Variants in TOM1L1 observed in about 807,000 individuals in gnomAD.
The protein encoded by TOM1L1 is target of myb1 like 1 membrane trafficking protein.
Under a neutral mutation model 63.4 loss-of-function variants are expected in TOM1L1, and 64 were observed. That is an observed-to-expected ratio of 1.01 (90% CI 0.83 to 1.24). The LOEUF is 1.24. Among genes scored for constraint, TOM1L1 ranks in the 50% most tolerant of loss-of-function variants. The probability of loss-of-function intolerance (pLI) is 0.00; values close to 1 mark genes in which losing one functional copy is unlikely to be tolerated. For synonymous variants in TOM1L1, 166 were observed against 194.4 expected (o/e 0.85, Z 1.22); for missense variants, 536 against 567.0 (o/e 0.95, Z 0.55).
chr17:54,947,574 T>C (rs1427136157), intron 12 of TOM1L1, among the ~76,000 whole-genome samples: 1 of 152,252 alleles, frequency 6.6e-6, no homozygotes, highest in Admixed American at 6.5e-5. Flanking sequence ...TGGTGACTTC[T>C]GTATTGTGAA....
rs3053508 is a variant in TOM1L1 at position 54,958,748 on chromosome 17, A to G, written c.1371-1818A>G. Among the ~76,000 whole-genome samples the G allele has an allele frequency of 4.7e-3, 563 of 118,920 alleles. 20 individuals are homozygous for G. In the South Asian group the frequency reaches 0.056, roughly 12 times the overall value. The allele number at this position is 118,920 out of a possible 152,430, so 78.0% of individuals were successfully genotyped here. On this transcript the variant is annotated intron_variant, in intron 14 of 15. Transcript: ENST00000575882. ...TCCATCTCAAAAAAAAAAAAAAAAA[A>G]GGGGTTGTTGGTAGCTAGAGGATAC...
In TOM1L1 at chr17:54,912,772, A is replaced by G; in HGVS notation, c.329A>G (p.Asn110Ser). The G allele has an allele frequency of 6.2e-7, 1 of 1,611,850 alleles. No homozygotes were observed. Among genetic ancestry groups the G allele is most frequent in the South Asian group, 1.1e-5 (1 of 90,380 alleles). Reference sequence around the variant, plus strand: ...GTTAAGCTACTGAATCCCAGATACAACTTGCCATTAGACATTCAGAATAGA... The same window carrying G: ...GTTAAGCTACTGAATCCCAGATACAGCTTGCCATTAGACATTCAGAATAGA... Reference protein sequence around the residue: ...NLVKLLNPRYNLPLDIQNRIL... With the variant: ...NLVKLLNPRYSLPLDIQNRIL... Residue 110 changes from asparagine (N) to serine (S), a missense_variant, in exon 4 of 16, where the codon AAC (asparagine) becomes AGC (serine). Transcript: ENST00000575882.
chr17:54,932,310 C>A (rs1425344020), intron 8 of TOM1L1, among the ~76,000 whole-genome samples: 1 of 152,064 alleles, frequency 6.6e-6, no homozygotes, highest in East Asian at 1.9e-4. Context: ...GTAATTAGAT[C>A]GGAACAAAAC....
intron 14 of TOM1L1, among the ~76,000 whole-genome samples, chr17:54,955,736 A>C (rs1010501346): frequency 5.3e-5 from 8 of 152,182 alleles, no homozygotes; most frequent in Non-Finnish European, 2.9e-5. Flanking sequence ...ACAATCCTGG[A>C]TCCCTTGACC....
rs567616902 is a variant in TOM1L1 at position 54,959,491 on chromosome 17, A to G, written c.1371-1075A>G. The G allele has an allele frequency of 2.0e-5, 3 of 152,498 alleles. No homozygotes were observed. The East Asian group carries it at 5.8e-4, about 29-fold the overall frequency. 9.4% of individuals were successfully genotyped at this position (152,498 alleles called of 1,614,324 possible). ...CCTGTCTCAAAAAAAAGAAAAAAGA[A>G]AAACGAATGAAGGATGTCATTGAAA... is the stretch of plus-strand genomic sequence containing the variant. On this transcript the variant is annotated intron_variant, in intron 14 of 15. Transcript: ENST00000575882.
intron 7 of TOM1L1, among the ~76,000 whole-genome samples, chr17:54,925,364 T>G (rs2048750670): frequency 6.6e-6 from 1 of 152,208 alleles, no homozygotes; most frequent in South Asian, 2.1e-4. Flanking sequence ...TCCTTCCTCC[T>G]GTTTCCTGCC....
chr17:54,938,879 C>T (rs1476891640), intron 10 of TOM1L1, 45 bp from the exon 11 acceptor site: 1 of 1,170,560 alleles, frequency 8.5e-7, no homozygotes, highest in East Asian at 2.6e-5. Flanking sequence ...GCATAACTGA[C>T]TGACAAAATG....
chr17:54,907,028 T>G (rs547509807), intron 3 of TOM1L1, among the ~76,000 whole-genome samples: 2 of 152,160 alleles, frequency 1.3e-5, no homozygotes, highest in Non-Finnish European at 2.9e-5. Context: ...AAGAAGAAAA[T>G]GGACATCTTG....
chr17:54,905,349 A>T (rs1228419723), intron 2 of TOM1L1, 140 bp from the exon 3 acceptor site: 9 of 597,450 alleles, frequency 1.5e-5, no homozygotes, highest in Admixed American at 3.4e-5. Flanking sequence ...AGTCATTCGC[A>T]TAGGGTCCCA....
intron 7 of TOM1L1, among the ~76,000 whole-genome samples, chr17:54,927,214 T>C (rs1255951855): frequency 6.6e-6 from 1 of 152,218 alleles, no homozygotes; most frequent in Non-Finnish European, 1.5e-5. Flanking sequence ...TCTTGCGCTT[T>C]GGGGAATACT....
At chr17:54,942,189 C>T (rs1025350852) in intron 11 of TOM1L1, 1 of 152,002 alleles carries the variant, frequency 6.6e-6, no homozygotes, top group Non-Finnish European at 1.5e-5. Context: ...CTCCACCTTC[C>T]AGGTTCAAGC....
intron 7 of TOM1L1, among the ~76,000 whole-genome samples, chr17:54,922,345 A>G (rs1598021152): frequency 6.6e-6 from 1 of 152,046 alleles, no homozygotes; most frequent in African/African-American, 2.4e-5. Flanking sequence ...AGTGGCTTAC[A>G]CCTGTAATCC....
chr17:54,923,945 T>C (rs1464208087), intron 7 of TOM1L1, among the ~76,000 whole-genome samples: 2 of 152,014 alleles, frequency 1.3e-5, no homozygotes, highest in East Asian at 3.9e-4. Flanking sequence ...TGAGCTAAGA[T>C]TGCACCACCG....
Position 54,944,679 on chromosome 17 carries a change from T to C in TOM1L1, c.1131-2582T>C, listed in dbSNP as rs146962165. Among the ~76,000 whole-genome samples the C allele has an allele frequency of 3.5e-3, 530 of 152,308 alleles. 2 individuals carry two copies. Among genetic ancestry groups the C allele is most frequent in the African/African-American group, 0.012 (496 of 41,560 alleles). ...GGATATTATCAGTGACTACAGAATA[T>C]GGGGCTCATGCTTCTATTCTTTCAG... On this transcript the variant is annotated intron_variant, in intron 11 of 15. Transcript: ENST00000575882.
chr17:54,903,593 C>A (rs1303594744), intron 1 of TOM1L1, 115 bp from the exon 2 acceptor site: 2 of 924,024 alleles, frequency 2.2e-6, no homozygotes, highest in Non-Finnish European at 3.4e-6. Flanking sequence ...TCACTTTGCC[C>A]TTTGGCAATG....
chr17:54,938,082 G>A (rs1468704289), intron 10 of TOM1L1: 1 of 152,158 alleles, frequency 6.6e-6, no homozygotes, highest in Non-Finnish European at 1.5e-5. Flanking sequence ...TTGGCTACTT[G>A]TTTATGTAGG....
At chr17:54,908,468 T>C (rs1029238890) in intron 3 of TOM1L1, among the ~76,000 whole-genome samples, 1 of 152,252 alleles carries the variant, frequency 6.6e-6, no homozygotes, top group Non-Finnish European at 1.5e-5. Context: ...AAAGCAATTA[T>C]AAGTTTACCA....
chr17:54,927,269 A>T (rs1598027526), intron 7 of TOM1L1, among the ~76,000 whole-genome samples: 1 of 152,354 alleles, frequency 6.6e-6, no homozygotes, highest in East Asian at 1.9e-4. Context: ...GGATATTGCC[A>T]TACAGATAGT....
chr17:54,906,940 G>A (rs1399713256), intron 3 of TOM1L1, among the ~76,000 whole-genome samples: 2 of 152,202 alleles, frequency 1.3e-5, no homozygotes, highest in Admixed American at 6.5e-5. Flanking sequence ...CCAACATCAC[G>A]CTGCGTTAGG....
Sources: gnomAD v4.1 joint callset for allele counts (sites outside exome capture counted in the v4.1 genomes callset) on GRCh38, gnomAD v4.1.1 for gene constraint, MANE v1.5 for transcripts, NCBI Gene and HGNC (gene_info 2026-07-23, HGNC 2026-07-21) for gene names.